GABRB1: variants seen among roughly 807,000 people sequenced by gnomAD.
The protein encoded by GABRB1 is gamma-aminobutyric acid type A receptor subunit beta1.
In GABRB1, 17 loss-of-function variants were observed where a neutral mutation model predicts 51.6. The observed-to-expected ratio is 0.33, with a 90% CI of 0.23 to 0.49. The LOEUF (loss-of-function observed/expected upper bound fraction) is 0.49. Among genes scored for constraint, GABRB1 ranks in the 20% least tolerant of loss-of-function variants. The pLI is 0.99. For missense variants in GABRB1, 410 were observed against 600.6 expected (o/e 0.68, Z 3.32); for synonymous variants, 247 against 218.9 (o/e 1.13, Z -1.14).
At chr4:47,293,332 G>A (rs1211722880) in intron 4 of GABRB1, among the ~76,000 whole-genome samples, 2 of 152,048 alleles carry the variant, frequency 1.3e-5, no homozygotes, top group Non-Finnish European at 2.9e-5. Flanking sequence ...TAGAGATGGG[G>A]TTTCTCCATG....
chr4:47,142,469 G>A (rs1225840252), intron 3 of GABRB1, among the ~76,000 whole-genome samples: 1 of 151,814 alleles, frequency 6.6e-6, no homozygotes, highest in Non-Finnish European at 1.5e-5. Flanking sequence ...GTCTGAAAAA[G>A]CATGTTGACA....
rs1408379170 is a variant in GABRB1 at position 47,333,190 on chromosome 4, TTATTTATATA to T, written c.544+12985_544+12994del. 0.018 allele frequency among the ~76,000 whole-genome samples: 1,499 copies of T among 83,452 alleles called. 77 individuals are homozygous for T. The East Asian group carries it at 0.28, about 16-fold the overall frequency. 54.7% of individuals were successfully genotyped at this position (83,452 alleles called of 152,430 possible). On this transcript the variant is annotated intron_variant, in intron 5 of 8. Transcript: ENST00000295454. ...TATACATATATATTTAAAACCCATT[TTATTTATATA>T]TATATATATATATATATATATATAT... is the stretch of plus-strand genomic sequence containing the variant.
chr4:47,377,686 G>C (rs760495297), intron 5 of GABRB1, among the ~76,000 whole-genome samples: 10 of 152,044 alleles, frequency 6.6e-5, no homozygotes, highest in Admixed American at 2.6e-4. Context: ...TTTTGACAGG[G>C]CGCTGATTGG....
intron 4 of GABRB1, among the ~76,000 whole-genome samples, chr4:47,170,533 A>G (rs913641744): frequency 6.6e-6 from 1 of 152,128 alleles, no homozygotes; most frequent in Admixed American, 6.6e-5. Context: ...TCTCTCTTCT[A>G]CAGACTTTCC....
chr4:47,007,895 A>G (rs4695188), intron 1 of GABRB1, among the ~76,000 whole-genome samples: 1 of 17,522 alleles, frequency 5.7e-5, no homozygotes. Context: ...TATATATATA[A>G]AATCAAGTTT....
At chr4:47,154,760 A>G (rs1717616699) in intron 3 of GABRB1, among the ~76,000 whole-genome samples, 1 of 152,094 alleles carries the variant, frequency 6.6e-6, no homozygotes, top group African/African-American at 2.4e-5. Flanking sequence ...TAGAAACAGA[A>G]GTAGACAGTC....
chr4:47,235,866 C>T (rs1228478264), intron 4 of GABRB1, among the ~76,000 whole-genome samples: 1 of 152,110 alleles, frequency 6.6e-6, no homozygotes, highest in Non-Finnish European at 1.5e-5. Flanking sequence ...AAATTCATCT[C>T]ATGACTCACA....
chr4:47,063,850 A>G (rs182486327), intron 3 of GABRB1, among the ~76,000 whole-genome samples: 93 of 152,078 alleles, frequency 6.1e-4, no homozygotes, highest in Admixed American at 1.6e-3. Context: ...ACACATGGAC[A>G]TGGCGGGGGA....
intron 3 of GABRB1, among the ~76,000 whole-genome samples, chr4:47,106,446 T>TTAAG (rs1714975733): frequency 6.6e-6 from 1 of 152,104 alleles, no homozygotes; most frequent in Non-Finnish European, 1.5e-5. Context: ...AAAATCTATA[T>TTAAG]TAAGTTTACT....
intron 4 of GABRB1, among the ~76,000 whole-genome samples, chr4:47,274,568 C>CT (rs146570279): frequency 0.022 from 3,354 of 152,226 alleles, 140 homozygotes; most frequent in African/African-American, 0.077. Flanking sequence ...TCTCTTCTCT[C>CT]CCCACTTGCA....
At chr4:47,083,365 A>G (rs1468039904) in intron 3 of GABRB1, among the ~76,000 whole-genome samples, 1 of 152,146 alleles carries the variant, frequency 6.6e-6, no homozygotes, top group African/African-American at 2.4e-5. Flanking sequence ...ACACACACAT[A>G]TTTTATATTA....
chr4:47,299,914 A>G (rs1418336071), intron 4 of GABRB1, among the ~76,000 whole-genome samples: 1 of 152,056 alleles, frequency 6.6e-6, no homozygotes, highest in Non-Finnish European at 1.5e-5. Flanking sequence ...GCAGCCATAA[A>G]AAATGATGAG....
In GABRB1 at chr4:47,031,696, C is replaced by T; in HGVS notation, c.45C>T (p.Phe15=). 6.2e-7 allele frequency: 1 copy of T among 1,614,018 alleles called. No individual in the cohort carries two copies. Among genetic ancestry groups the T allele is most frequent in the Non-Finnish European group, 8.5e-7 (1 of 1,179,884 alleles). The change falls in exon 1 of 9, where the codon TTC becomes TTT. Residue 15 remains phenylalanine (F), a synonymous_variant. Transcript: ENST00000295454. ...QNRESLGLLS[F]PVMITMVCCA... ...GAGAGAGTCTGGGGCTTCTCTCTTT[C>T]CCTGTGATGATTACCATGGTCTGTT... is the stretch of plus-strand genomic sequence containing the variant.
At chr4:47,107,292 G>T (rs993301777) in intron 3 of GABRB1, among the ~76,000 whole-genome samples, 12 of 152,104 alleles carry the variant, frequency 7.9e-5, no homozygotes, top group African/African-American at 2.9e-4. Flanking sequence ...TAAAAAAAGG[G>T]ATCGAGCCTC....
chr4:47,416,793 G>T (rs1009777780), intron 8 of GABRB1, among the ~76,000 whole-genome samples: 8 of 151,842 alleles, frequency 5.3e-5, no homozygotes, highest in Admixed American at 2.6e-4. Flanking sequence ...GTCTCACTCT[G>T]TCACCCTGTT....
intron 5 of GABRB1, among the ~76,000 whole-genome samples, chr4:47,385,208 C>G (rs1204319396): frequency 6.6e-6 from 1 of 152,174 alleles, no homozygotes; most frequent in East Asian, 1.9e-4. Flanking sequence ...AAGATCCTCT[C>G]TATTCCATGA....
intron 4 of GABRB1, among the ~76,000 whole-genome samples, chr4:47,221,678 G>T (rs1439479154): frequency 6.6e-6 from 1 of 151,944 alleles, no homozygotes; most frequent in Non-Finnish European, 1.5e-5. Context: ...TAGAAAAAAT[G>T]CAGGGTGAGT....
intron 4 of GABRB1, among the ~76,000 whole-genome samples, chr4:47,171,274 A>C (rs1281026811): frequency 1.3e-5 from 2 of 152,040 alleles, no homozygotes; most frequent in East Asian, 3.8e-4. Flanking sequence ...AGTTCTCAAA[A>C]AAAAAAGAAA....
At chr4:47,334,886 G>A (rs973669050) in intron 5 of GABRB1, among the ~76,000 whole-genome samples, 11 of 152,278 alleles carry the variant, frequency 7.2e-5, no homozygotes, top group African/African-American at 2.6e-4. Flanking sequence ...AGCTTCACAT[G>A]AATTAAAGGC....
Sources: gnomAD v4.1 joint callset for allele counts (sites outside exome capture counted in the v4.1 genomes callset) on GRCh38, gnomAD v4.1.1 for gene constraint, MANE v1.5 for transcripts, NCBI Gene and HGNC (gene_info 2026-07-23, HGNC 2026-07-21) for gene names.